ADAMTSL1: variants seen among roughly 807,000 people sequenced by gnomAD.
ADAMTSL1 encodes ADAMTS-like protein 1.
ADAMTSL1 carries 126 observed loss-of-function variants against 201.8 expected under a neutral mutation model. The observed-to-expected ratio is 0.62, with a 90% confidence interval of 0.54 to 0.72. ADAMTSL1 has a LOEUF of 0.72. Ranked by LOEUF, ADAMTSL1 falls within the 30% of genes least tolerant of loss-of-function variation. ADAMTSL1 has a pLI of 0.00. For missense variants in ADAMTSL1, 2,679 were observed against 2,277.8 expected, an observed-to-expected ratio of 1.18 and a Z score of -3.59; for synonymous variants, 1,121 against 903.4, an observed-to-expected ratio of 1.24 and a Z score of -4.32.
intron 2 of ADAMTSL1, among the ~76,000 whole-genome samples, chr9:18,329,079 G>A (rs1044543542): frequency 1.3e-5 from 2 of 152,068 alleles, no homozygotes; most frequent in African/African-American, 4.8e-5. Context: ...GGGGCCTTTG[G>A]GGAGTGGTCA....
At chr9:18,293,711 C>T (rs1833363352) in intron 2 of ADAMTSL1, among the ~76,000 whole-genome samples, 1 of 152,116 alleles carries the variant, frequency 6.6e-6, no homozygotes, top group African/African-American at 2.4e-5. Context: ...TGGGCTCCGT[C>T]CCATATAGGA....
intron 1 of ADAMTSL1, among the ~76,000 whole-genome samples, chr9:18,147,107 G>A (rs927215891): frequency 5.3e-5 from 8 of 152,044 alleles, no homozygotes; most frequent in Non-Finnish European, 8.8e-5. Flanking sequence ...ACACAGTCCC[G>A]TATTCAAATT....
chr9:18,432,819 A>G (rs541147094), intron 2 of ADAMTSL1, among the ~76,000 whole-genome samples: 35 of 152,310 alleles, frequency 2.3e-4, no homozygotes, highest in Admixed American at 1.4e-3. Context: ...TGGTTCTTCT[A>G]TGAGTTAAAA....
upstream of ADAMTSL1, among the ~76,000 whole-genome samples, chr9:18,473,624 A>T (rs1821307692): frequency 6.6e-6 from 1 of 152,200 alleles, no homozygotes; most frequent in African/African-American, 2.4e-5. Context: ...AGGCGAAATA[A>T]AACAGTTGTA....
chr9:17,996,793 A>AT (rs933861873), intron 1 of ADAMTSL1, among the ~76,000 whole-genome samples: 2 of 151,836 alleles, frequency 1.3e-5, no homozygotes, highest in African/African-American at 4.8e-5. Flanking sequence ...CCCCTTTTGC[A>AT]TTTTTTATGG....
intron 2 of ADAMTSL1, among the ~76,000 whole-genome samples, chr9:18,529,517 C>G (rs1819305357): frequency 1.3e-5 from 2 of 152,084 alleles, no homozygotes; most frequent in Non-Finnish European, 2.9e-5. Flanking sequence ...GTTTTCTCAT[C>G]TATTAAATAG....
At chr9:17,912,812 G>A in intron 1 of ADAMTSL1, among the ~76,000 whole-genome samples, 1 of 135,092 alleles carries the variant, frequency 7.4e-6, no homozygotes, top group Non-Finnish European at 1.6e-5. Context: ...GGGTTTTTAT[G>A]GTTTTAGGTC....
intron 2 of ADAMTSL1, among the ~76,000 whole-genome samples, chr9:18,304,171 A>G (rs1833815235): frequency 6.6e-6 from 1 of 151,526 alleles, no homozygotes; most frequent in Non-Finnish European, 1.5e-5. Flanking sequence ...GTTACAGAAC[A>G]CTTTGTTCAA....
Position 18,280,642 on chromosome 9 carries a change from G to A in ADAMTSL1, c.207+116661G>A, listed in dbSNP as rs372562193. ...GAGTTTTGTACATTATTTGTCACAT[G>A]TGTTAAGGTTTTTAATTATTTGGCA... On this transcript the variant is annotated intron_variant, in intron 2 of 29. Transcript: ENST00000680146. Among the ~76,000 whole-genome samples, 3 of 152,084 alleles carry A rather than the reference G, an allele frequency of 2.0e-5. No homozygotes were observed. The East Asian group carries it at 5.8e-4, about 29-fold the overall frequency.
chr9:18,272,444 A>G (rs891663509), intron 2 of ADAMTSL1, among the ~76,000 whole-genome samples: 8 of 152,244 alleles, frequency 5.3e-5, no homozygotes, highest in Non-Finnish European at 1.5e-5. Flanking sequence ...TACACCTTAT[A>G]CAAAAATTAA....
chr9:18,522,269 G>A (rs979959527), intron 2 of ADAMTSL1, among the ~76,000 whole-genome samples: 5 of 151,860 alleles, frequency 3.3e-5, no homozygotes, highest in African/African-American at 1.2e-4. Context: ...TAACAAACCT[G>A]CACTTGTACC....
At chr9:18,490,662 T>C (rs890813045) in intron 1 of ADAMTSL1, among the ~76,000 whole-genome samples, 1 of 152,064 alleles carries the variant, frequency 6.6e-6, no homozygotes, top group Non-Finnish European at 1.5e-5. Context: ...GTCTTGGGGA[T>C]GACAGCATTT....
At chr9:18,056,777 C>G (rs1191211487) in intron 1 of ADAMTSL1, among the ~76,000 whole-genome samples, 1 of 152,168 alleles carries the variant, frequency 6.6e-6, no homozygotes, top group Admixed American at 6.5e-5. Context: ...AGCGCATTCT[C>G]TAGACCTCAA....
At chr9:18,367,510 T>A (rs1386930586) in intron 2 of ADAMTSL1, among the ~76,000 whole-genome samples, 4 of 152,004 alleles carry the variant, frequency 2.6e-5, no homozygotes, top group Admixed American at 2.6e-4. Flanking sequence ...AACTTCTAAG[T>A]CTGTTTTTGA....
At chr9:18,121,661 T>A (rs2131922120) in intron 1 of ADAMTSL1, among the ~76,000 whole-genome samples, 1 of 152,332 alleles carries the variant, frequency 6.6e-6, no homozygotes, top group Non-Finnish European at 1.5e-5. Context: ...TCTTTTTCTA[T>A]CATATGTCTG....
At chr9:18,739,856 G>A (rs561288740) in intron 15 of ADAMTSL1, among the ~76,000 whole-genome samples, 2 of 152,092 alleles carry the variant, frequency 1.3e-5, no homozygotes, top group East Asian at 3.9e-4. Context: ...GCATATGCAT[G>A]TGTATCAATG....
chr9:17,992,284 C>T (rs754320158), intron 1 of ADAMTSL1, among the ~76,000 whole-genome samples: 8 of 152,156 alleles, frequency 5.3e-5, no homozygotes, highest in Non-Finnish European at 8.8e-5. Flanking sequence ...GCAAGTTTAT[C>T]TGCAGCTGGT....
intron 1 of ADAMTSL1, among the ~76,000 whole-genome samples, chr9:18,077,308 A>G (rs1234628281): frequency 6.6e-6 from 1 of 152,224 alleles, no homozygotes; most frequent in Non-Finnish European, 1.5e-5. Flanking sequence ...GAGAGGGCAG[A>G]GAACAAAGAT....
chr9:18,603,346 C>G (rs1461475604), intron 4 of ADAMTSL1, among the ~76,000 whole-genome samples: 1 of 20,842 alleles, frequency 4.8e-5, no homozygotes, highest in African/African-American at 2.1e-4. Flanking sequence ...AAGCTATATG[C>G]TATGCTATGC....
Sources: gnomAD v4.1 joint callset for allele counts (sites outside exome capture counted in the v4.1 genomes callset) on GRCh38, gnomAD v4.1.1 for gene constraint, MANE v1.5 for transcripts, NCBI Gene and HGNC (gene_info 2026-07-23, HGNC 2026-07-21) for gene names.